Variants in CCDC144A observed in about 807,000 individuals in gnomAD.
CCDC144A encodes the protein coiled-coil domain-containing protein 144A.
Under a neutral mutation model 143.8 loss-of-function variants are expected in CCDC144A, and 41 were observed. The ratio of observed to expected loss-of-function variants is 0.29; its 90% CI spans 0.22 to 0.37. The LOEUF is 0.37. Among genes scored for constraint, CCDC144A ranks in the 10% least tolerant of loss-of-function variants. The probability of loss-of-function intolerance (pLI) is 1.00; values close to 1 mark genes in which losing one functional copy is unlikely to be tolerated. For synonymous variants in CCDC144A, 242 were observed against 517.9 expected, an observed-to-expected ratio of 0.47 and a Z score of 7.23; for missense variants, 637 against 1,488.8, an observed-to-expected ratio of 0.43 and a Z score of 9.41.
In CCDC144A at chr17:16,751,464, G is replaced by T. The variant is rs548497385; in HGVS notation, c.3373-9961G>T. On this transcript the variant is annotated intron_variant, in intron 12 of 16. Transcript: ENST00000399273. ...GCCTCTTTTCTATTTCAGCGTGTTG[G>T]CAGCAGTGCTCTGGGGAAGGGGGAA... Among the ~76,000 whole-genome samples the T allele has an allele frequency of 3.9e-5, 6 of 152,296 alleles. No homozygotes were observed. The East Asian group carries it at 1.2e-3, about 29-fold the overall frequency.
At chr17:16,694,236 A>G (rs1243430741) in intron 2 of CCDC144A, among the ~76,000 whole-genome samples, 1 of 152,138 alleles carries the variant, frequency 6.6e-6, no homozygotes, top group Non-Finnish European at 1.5e-5. Flanking sequence ...AATTAGTTTC[A>G]AAACTGGAAA....
At chr17:16,671,284 A>G in the CCDC144A span, among the ~76,000 whole-genome samples, 1 of 152,080 alleles carries the variant, frequency 6.6e-6, no homozygotes, top group African/African-American at 2.4e-5. Flanking sequence ...TGCCTGGCCT[A>G]TCATTACCTT....
intron 12 of CCDC144A, among the ~76,000 whole-genome samples, chr17:16,742,013 C>T (rs556021319): frequency 1.3e-5 from 2 of 152,056 alleles, no homozygotes; most frequent in South Asian, 4.2e-4. Flanking sequence ...GACTTGAACC[C>T]CGGAGGCGGA....
chr17:16,763,263 T>C (rs1314362651), intron 14 of CCDC144A, among the ~76,000 whole-genome samples: 32 of 152,100 alleles, frequency 2.1e-4, no homozygotes, highest in Middle Eastern at 3.4e-3. Context: ...TCCTCGATGC[T>C]GCTTTAGTTC....
intron 2 of CCDC144A, among the ~76,000 whole-genome samples, chr17:16,699,612 T>C (rs1044144558): frequency 5.1e-5 from 7 of 137,094 alleles, no homozygotes; most frequent in African/African-American, 2.0e-4. Context: ...GCAATCGTTC[T>C]GCCTCAGCCT....
At chr17:16,696,700 G>A (rs775715608) in intron 2 of CCDC144A, among the ~76,000 whole-genome samples, 4 of 151,770 alleles carry the variant, frequency 2.6e-5, no homozygotes, top group Non-Finnish European at 4.4e-5. Context: ...TGTAGGCCAT[G>A]GGAAATTTAC....
At position 16,776,872 on chromosome 17, in the gene CCDC144A, A is replaced by T. The variant is rs1420456347; in HGVS notation, c.*3239A>T. The T allele has an allele frequency of 3.3e-5, 5 of 151,986 alleles. No individual in the cohort carries two copies. The highest frequency in any genetic ancestry group is 2.1e-4 in the South Asian group (1 of 4,808). The allele number at this position is 151,986 out of a possible 1,614,324, so 9.4% of individuals were successfully genotyped here. A position where few individuals can be genotyped will look rare whatever the true frequency, so the allele number is the denominator to read the frequency against. On this transcript the variant is annotated 3_prime_UTR_variant, in exon 17 of 17. Transcript: ENST00000399273. The stretch of plus-strand genomic sequence containing the variant: ...CCTCACATCTCAATGCTAATGTTGA[A>T]CGTAAATGGCCTAAATGCTCCACTT...
intron 8 of CCDC144A, among the ~76,000 whole-genome samples, chr17:16,725,642 G>T (rs982822693): frequency 6.6e-6 from 1 of 151,386 alleles, no homozygotes; most frequent in Non-Finnish European, 1.5e-5. Flanking sequence ...GTGGGAGGGG[G>T]GTGAGGGACA....
the CCDC144A span, among the ~76,000 whole-genome samples, chr17:16,682,210 TG>T: frequency 6.7e-6 from 1 of 149,178 alleles, no homozygotes; most frequent in African/African-American, 2.5e-5. Flanking sequence ...TGGGTGTGTG[TG>T]TGTGTGTGTG....
intron 2 of CCDC144A, among the ~76,000 whole-genome samples, chr17:16,697,149 T>C (rs1251457802): frequency 6.6e-6 from 1 of 152,176 alleles, no homozygotes; most frequent in Non-Finnish European, 1.5e-5. Flanking sequence ...GGAATCGCTA[T>C]TGGGTAGGGA....
At chr17:16,766,089 A>G (rs1915583037) in intron 15 of CCDC144A, 1 of 152,444 alleles carries the variant, frequency 6.6e-6, no homozygotes, top group Non-Finnish European at 1.5e-5. Context: ...GACATCAATC[A>G]ATATATTTAA....
chr17:16,707,779 A>G (rs1192180070), intron 4 of CCDC144A, among the ~76,000 whole-genome samples: 1 of 152,128 alleles, frequency 6.6e-6, no homozygotes, highest in Admixed American at 6.5e-5. Context: ...AACATTCCAG[A>G]ATTTTGTTTG....
At chr17:16,687,346 C>T (rs185875990), upstream of CCDC144A, among the ~76,000 whole-genome samples, 102 of 152,036 alleles carry the variant, frequency 6.7e-4, no homozygotes, top group Non-Finnish European at 1.2e-3. Flanking sequence ...GGTAGCCCAT[C>T]CCCCTCCCCC....
At chr17:16,679,663 G>A in the CCDC144A span, among the ~76,000 whole-genome samples, 1 of 151,878 alleles carries the variant, frequency 6.6e-6, no homozygotes, top group Non-Finnish European at 1.5e-5. Flanking sequence ...TATGCTGTTT[G>A]TTCTCTCACA....
At chr17:16,737,933 G>C (rs968758620) in intron 12 of CCDC144A, among the ~76,000 whole-genome samples, 1 of 151,434 alleles carries the variant, frequency 6.6e-6, no homozygotes, top group African/African-American at 2.5e-5. Context: ...GAATTATTCA[G>C]TATTCCTCAC....
At chr17:16,688,270 C>T (rs555381176), upstream of CCDC144A, among the ~76,000 whole-genome samples, 121 of 151,812 alleles carry the variant, frequency 8.0e-4, 1 homozygote, top group African/African-American at 2.8e-3. Context: ...CTGGTTCCTC[C>T]GCTGCCCGTG....
intron 12 of CCDC144A, chr17:16,746,009 A>G: frequency 1.9e-6 from 3 of 1,611,484 alleles, no homozygotes; most frequent in Non-Finnish European, 1.7e-6. Context: ...CTTGTTCTTG[A>G]GATCTCTCCA....
chr17:16,751,675 G>A (rs1441240699), intron 12 of CCDC144A, among the ~76,000 whole-genome samples: 1 of 152,250 alleles, frequency 6.6e-6, no homozygotes, highest in Non-Finnish European at 1.5e-5. Flanking sequence ...GGATGTGCTG[G>A]TTGTCTGGGC....
At chr17:16,724,787 ATTTTTTTTTTTTTTTT>A (rs760344292) in intron 8 of CCDC144A, among the ~76,000 whole-genome samples, 10 of 35,106 alleles carry the variant, frequency 2.8e-4, no homozygotes, top group African/African-American at 3.2e-4. Flanking sequence ...GATTAACTGA[ATTTTTTTTTTTTTTTT>A]TTTTTTTTTT....
Sources: gnomAD v4.1 joint callset for allele counts (sites outside exome capture counted in the v4.1 genomes callset) on GRCh38, gnomAD v4.1.1 for gene constraint, MANE v1.5 for transcripts, NCBI Gene and HGNC (gene_info 2026-07-23, HGNC 2026-07-21) for gene names.